Variants in FNDC3B observed in about 807,000 individuals in gnomAD.
FNDC3B encodes fibronectin type III domain-containing protein 3B.
Under a neutral mutation model 151.5 loss-of-function variants are expected in FNDC3B, and 12 were observed. That is an observed-to-expected ratio of 0.08 (90% CI 0.05 to 0.13). FNDC3B has a LOEUF of 0.13. Ranked by LOEUF, FNDC3B falls within the 10% of genes least tolerant of loss-of-function variation. The pLI is 1.00. For synonymous variants in FNDC3B, 528 were observed against 549.0 expected, an observed-to-expected ratio of 0.96 and a Z score of 0.54; for missense variants, 1,214 against 1,505.3, an observed-to-expected ratio of 0.81 and a Z score of 3.20.
chr3:172,290,202 A>C (rs1265465223), intron 7 of FNDC3B, among the ~76,000 whole-genome samples: 1 of 152,232 alleles, frequency 6.6e-6, no homozygotes, highest in Non-Finnish European at 1.5e-5. Flanking sequence ...GATTTTATTT[A>C]GGTGCAGAAC....
At chr3:172,345,098 G>T (rs1376178358) in intron 19 of FNDC3B, among the ~76,000 whole-genome samples, 1 of 152,162 alleles carries the variant, frequency 6.6e-6, no homozygotes, top group Non-Finnish European at 1.5e-5. Flanking sequence ...TTTGTTTTAA[G>T]TGAAAGCAAG....
chr3:172,193,091 A>C (rs1046791778), intron 3 of FNDC3B, among the ~76,000 whole-genome samples: 11 of 148,776 alleles, frequency 7.4e-5, no homozygotes, highest in Middle Eastern at 6.5e-3. Context: ...TACTGTGTCA[A>C]TATTAGGTCA....
At chr3:172,130,280 G>T (rs1330625081) in intron 2 of FNDC3B, among the ~76,000 whole-genome samples, 1 of 152,146 alleles carries the variant, frequency 6.6e-6, no homozygotes, top group African/African-American at 2.4e-5. Flanking sequence ...GATGAATATG[G>T]TTTGTTTAAA....
chr3:172,245,398 C>T (rs1727724909), intron 4 of FNDC3B, among the ~76,000 whole-genome samples: 1 of 152,022 alleles, frequency 6.6e-6, no homozygotes, highest in Non-Finnish European at 1.5e-5. Flanking sequence ...AAGTACTTTA[C>T]TTCTGTGGTC....
chr3:172,307,455 C>T lies in FNDC3B; in HGVS notation c.1154C>T (p.Pro385Leu), dbSNP rs1485312871. The T allele has an allele frequency of 6.2e-7, 1 of 1,614,000 alleles. No homozygotes were observed. The highest frequency in any genetic ancestry group is 8.5e-7 in the Non-Finnish European group (1 of 1,179,980). Residue 385 changes from proline to leucine, a missense_variant, in exon 10 of 26, where the codon CCT becomes CTT. Pro to Leu is a moderately conservative substitution (Grantham distance 98). Transcript: ENST00000415807. ...TGTGCACCCGAGTGTCCTTTCCCCC[C>T]TAAGCTGGCACATAGGAGCAAAAGT... Reference protein sequence around the residue: ...HSCAPECPFPPKLAHRSKSSL... With the variant: ...HSCAPECPFPLKLAHRSKSSL...
intron 22 of FNDC3B, among the ~76,000 whole-genome samples, chr3:172,357,886 A>G (rs947015667): frequency 5.3e-5 from 8 of 152,256 alleles, no homozygotes; most frequent in Admixed American, 4.6e-4. Flanking sequence ...TGAGTATTTT[A>G]GAATCTAGGT....
At chr3:172,292,194 G>A (rs1730376855) in intron 7 of FNDC3B, among the ~76,000 whole-genome samples, 3 of 152,170 alleles carry the variant, frequency 2.0e-5, no homozygotes, top group African/African-American at 7.2e-5. Context: ...GAAGGATTTG[G>A]CCCCAGAACA....
At chr3:172,181,827 CAA>C (rs747723219) in intron 3 of FNDC3B, among the ~76,000 whole-genome samples, 11,427 of 60,358 alleles carry the variant, frequency 0.19, 119 homozygotes, top group Non-Finnish European at 0.21. Flanking sequence ...GACTCCATCT[CAA>C]AAAAAAAAAA....
Position 172,274,828 on chromosome 3 carries a change from C to T in FNDC3B, c.791-11098C>T, listed in dbSNP as rs150409094. 3.1e-3 allele frequency among the ~76,000 whole-genome samples: 479 copies of T among 152,164 alleles called. 4 individuals carry two copies. The highest frequency in any genetic ancestry group is 0.011 in the African/African-American group (453 of 41,512). On this transcript the variant is annotated intron_variant, in intron 6 of 25. Coordinates refer to ENST00000415807, the MANE Select transcript of FNDC3B (RefSeq NM_022763.4). ...CATCTTCCCTGTGTGTGTCTGCATC[C>T]GAATTTCCTCCTCTTCTAAGGACAC...
chr3:172,085,091 T>C (rs972550581), intron 1 of FNDC3B, among the ~76,000 whole-genome samples: 3 of 152,178 alleles, frequency 2.0e-5, no homozygotes, highest in African/African-American at 4.8e-5. Flanking sequence ...ATCTCCTTGA[T>C]CTTAGATTAT....
chr3:172,283,110 G>A (rs1191625292), intron 6 of FNDC3B, among the ~76,000 whole-genome samples: 3 of 152,202 alleles, frequency 2.0e-5, no homozygotes, highest in African/African-American at 4.8e-5. Flanking sequence ...TTTCGTGATT[G>A]TAATCAAAGG....
chr3:172,341,261 C>T (rs1205880503), intron 17 of FNDC3B, 30 bp downstream of exon 17: 2 of 1,485,716 alleles, frequency 1.3e-6, no homozygotes, highest in African/African-American at 1.4e-5. Flanking sequence ...GAAAGTAAAC[C>T]TCATTGATCA....
At chr3:172,387,572 T>C (rs560507960) in intron 25 of FNDC3B, among the ~76,000 whole-genome samples, 1 of 152,372 alleles carries the variant, frequency 6.6e-6, no homozygotes, top group Admixed American at 6.5e-5. Context: ...TCGTTTATTT[T>C]ACTGATTCTT....
chr3:172,302,122 C>A (rs1730942104), intron 9 of FNDC3B: 1 of 152,208 alleles, frequency 6.6e-6, no homozygotes, highest in Non-Finnish European at 1.5e-5. Context: ...TTTTGCTACT[C>A]TGAGTCTATC....
Position 172,113,857 on chromosome 3 carries a change from C to G in FNDC3B, c.111+1267C>G, listed in dbSNP as rs562959161. Among the ~76,000 whole-genome samples the G allele has an allele frequency of 2.0e-5, 3 of 152,256 alleles. No individual in the cohort carries two copies. In the East Asian group the frequency reaches 5.8e-4, roughly 29 times the overall value. ...CACTTTACAGTCTTCACTCTGTGTTCTCATCTTCCTCTTCAGTCTTTAGCA... is the reference window on the plus strand; with the variant it reads ...CACTTTACAGTCTTCACTCTGTGTTGTCATCTTCCTCTTCAGTCTTTAGCA... On this transcript the variant is annotated intron_variant, in intron 2 of 25. Coordinates refer to ENST00000415807, the MANE Select transcript of FNDC3B (RefSeq NM_022763.4).
intron 3 of FNDC3B, among the ~76,000 whole-genome samples, chr3:172,181,412 A>C (rs1407837741): frequency 1.4e-5 from 2 of 144,920 alleles, no homozygotes; most frequent in African/African-American, 2.5e-5. Context: ...AAAAAAAAAA[A>C]AACAAAAAAA....
chr3:172,219,397 C>T (rs148875323), intron 3 of FNDC3B, among the ~76,000 whole-genome samples: 16 of 152,302 alleles, frequency 1.1e-4, no homozygotes, highest in African/African-American at 3.6e-4. Flanking sequence ...TGTTTTGTAG[C>T]TTGTTAGTAA....
intron 1 of FNDC3B, among the ~76,000 whole-genome samples, chr3:172,055,293 AATT>A (rs143702123): frequency 0.019 from 2,964 of 152,268 alleles, 36 homozygotes; most frequent in Non-Finnish European, 0.032. Flanking sequence ...GAAAAAACAT[AATT>A]ATTTCCAGTT....
intron 3 of FNDC3B, among the ~76,000 whole-genome samples, chr3:172,159,098 G>A (rs1195145064): frequency 6.6e-6 from 1 of 152,182 alleles, no homozygotes; most frequent in Non-Finnish European, 1.5e-5. Context: ...GAACAACATG[G>A]TGAAACCCCC....
Sources: gnomAD v4.1 joint callset for allele counts (sites outside exome capture counted in the v4.1 genomes callset) on GRCh38, gnomAD v4.1.1 for gene constraint, MANE v1.5 for transcripts, NCBI Gene and HGNC (gene_info 2026-07-23, HGNC 2026-07-21) for gene names.